Variants in CCP110 observed in about 807,000 individuals in gnomAD.
The protein encoded by CCP110 is centriolar coiled-coil protein 110, also known as centriolar coiled-coil protein of 110 kDa.
In CCP110, 43 loss-of-function variants were observed where a neutral mutation model predicts 105.5. The ratio of observed to expected loss-of-function variants is 0.41; its 90% confidence interval spans 0.32 to 0.53. The LOEUF is 0.53. Among genes scored for constraint, CCP110 ranks in the 20% least tolerant of loss-of-function variants. The pLI is 0.32. For synonymous variants in CCP110, 353 were observed against 392.1 expected (o/e 0.90, Z 1.18); for missense variants, 1,016 against 1,189.1 (o/e 0.85, Z 2.14).
intron 6 of CCP110, among the ~76,000 whole-genome samples, 166 bp from the exon 7 acceptor site, chr16:19,542,455 C>A (rs192799777): frequency 2.0e-5 from 3 of 152,144 alleles, no homozygotes; most frequent in African/African-American, 7.2e-5. Context: ...TTGAAAAGAT[C>A]CACCTGGTAT....
chr16:19,531,696 G>T (rs946616160), intron 2 of CCP110, among the ~76,000 whole-genome samples: 1 of 152,190 alleles, frequency 6.6e-6, no homozygotes, highest in African/African-American at 2.4e-5. Flanking sequence ...GGCCAGGCGC[G>T]GTGGCTCGCG....
At chr16:19,547,860 T>G (rs1970513377) in intron 12 of CCP110, 95 bp from the exon 13 acceptor site, 1 of 868,560 alleles carries the variant, frequency 1.2e-6, no homozygotes, top group African/African-American at 1.7e-5. Flanking sequence ...TAGTTGACCT[T>G]TACCTTACAG....
chr16:19,547,984 C>T lies in CCP110; in HGVS notation c.2870C>T (p.Ala957Val), dbSNP rs746556110. The T allele has an allele frequency of 3.2e-5, 51 of 1,612,066 alleles. No homozygotes were observed. The highest frequency in any genetic ancestry group is 4.0e-5 in the Non-Finnish European group (47 of 1,178,264). ...CTTCAGCCAAACCAAGGACAGAATG[C>T]ACCTGTTCATAGGCTACTTAGTAGA... The change falls in exon 13 of 15, where the codon GCA (alanine) becomes GTA (valine). Residue 957 changes from alanine to valine, a missense_variant. Ala to Val is a moderately conservative substitution (Grantham distance 64). Transcript: ENST00000381396.
In CCP110 at chr16:19,524,541, C is replaced by G. The variant is rs1354662428; in HGVS notation, c.-16+453C>G. On this transcript the variant is annotated intron_variant, in intron 1 of 14. Transcript: ENST00000381396. ...AGCCCCTGTTTCCACAACCAAGGCC[C>G]TAGGAGCGCTGCTTACTTCGCCTTT... Among the ~76,000 whole-genome samples the G allele has an allele frequency of 2.6e-5, 4 of 152,264 alleles. No individual in the cohort carries two copies. The East Asian group carries it at 7.7e-4, about 29-fold the overall frequency.
rs1322331591 is a variant in CCP110 at position 19,545,220 on chromosome 16, A to T, written c.2703+10A>T. 7.0e-7 allele frequency: 1 copy of T among 1,436,408 alleles called. No individual in the cohort carries two copies. The highest frequency in any genetic ancestry group is 1.7e-5 in the Admixed American group (1 of 58,166). 89.0% of individuals were successfully genotyped at this position (1,436,408 alleles called of 1,614,324 possible). On this transcript the variant is annotated intron_variant, in intron 10 of 14. Transcript: ENST00000381396. ...AATGCTCAGGCAAATGGTATGTTAT[A>T]TGATTTCTAATGAATAGAGTTCTTC...
At chr16:19,540,515 T>G (rs528801152) in intron 4 of CCP110, 142 bp from the exon 5 acceptor site, 2 of 676,888 alleles carry the variant, frequency 3.0e-6, no homozygotes, top group East Asian at 5.6e-5. Context: ...TGGTTCGAAG[T>G]AGAGACCCAG....
intron 2 of CCP110, among the ~76,000 whole-genome samples, chr16:19,531,119 C>T (rs1342811337): frequency 6.6e-6 from 1 of 152,190 alleles, no homozygotes; most frequent in Non-Finnish European, 1.5e-5. Context: ...TATAATCATT[C>T]TTTGGTACCA....
chr16:19,534,047 A>C (rs1969967641), intron 3 of CCP110, among the ~76,000 whole-genome samples: 1 of 152,172 alleles, frequency 6.6e-6, no homozygotes, highest in Admixed American at 6.5e-5. Context: ...GAGAATTGTT[A>C]ATGAGAGTCA....
At chr16:19,542,040 C>T in exon 6 of CCP110, 1 of 1,580,958 alleles carries the variant, frequency 6.3e-7, no homozygotes, top group South Asian at 1.2e-5. Flanking sequence ...GGACTCACTC[C>T]ATACTTCAAA....
chr16:19,527,998 T>C, exon 2 of CCP110: 1 of 1,613,106 alleles, frequency 6.2e-7, no homozygotes, highest in South Asian at 1.1e-5. Context: ...TTCGCTTTCA[T>C]GGAGTGGCTA....
chr16:19,545,031 A>T, intron 9 of CCP110, 63 bp from the exon 10 acceptor site: 1 of 1,042,192 alleles, frequency 9.6e-7, no homozygotes, highest in Non-Finnish European at 1.5e-6. Context: ...CATGGTATAT[A>T]GTATTCCTGA....
exon 4 of CCP110, chr16:19,536,047 C>G (rs776778626): frequency 2.7e-5 from 44 of 1,613,800 alleles, no homozygotes; most frequent in Non-Finnish European, 3.3e-5. Context: ...TTCCAAATAG[C>G]TTTCCAAGCC....
At chr16:19,543,454 T>C (rs1350629046) in intron 8 of CCP110, among the ~76,000 whole-genome samples, 2 of 152,166 alleles carry the variant, frequency 1.3e-5, no homozygotes, top group Non-Finnish European at 1.5e-5. Context: ...TACAAATTGA[T>C]TGCAAAACAT....
At chr16:19,547,656 G>A (rs925266892) in intron 12 of CCP110, 4 of 231,500 alleles carry the variant, frequency 1.7e-5, no homozygotes, top group Middle Eastern at 3.0e-3. Context: ...GGTTTGAAGG[G>A]AAAAGTTAGC....
exon 4 of CCP110, chr16:19,536,770 A>C: frequency 6.2e-7 from 1 of 1,614,226 alleles, no homozygotes; most frequent in South Asian, 1.1e-5. Flanking sequence ...TACCTAGTCC[A>C]GAGCCAAGTA....
chr16:19,539,757 C>T (rs191093343), intron 4 of CCP110, among the ~76,000 whole-genome samples: 51 of 152,106 alleles, frequency 3.4e-4, no homozygotes, highest in Non-Finnish European at 5.6e-4. Context: ...AAGAGGCTGC[C>T]TCAGTGAATA....
At chr16:19,550,096 A>ACAAC (rs1233353799) in intron 14 of CCP110, among the ~76,000 whole-genome samples, 21 of 152,316 alleles carry the variant, frequency 1.4e-4, no homozygotes, top group Non-Finnish European at 2.9e-4. Context: ...TTGTTTTCTA[A>ACAAC]AGATTTACTT....
At position 19,546,403 on chromosome 16, in the gene CCP110, T is replaced by C. The variant is rs370183270; in HGVS notation, c.2778-9T>C. On this transcript the variant is annotated splice_polypyrimidine_tract_variant and intron_variant, in intron 11 of 14. Coordinates refer to ENST00000381396, the Ensembl canonical transcript of CCP110. ...AATACATTATGTCCTTATTTTTATA[T>C]TGTGTTAGAGCTGCTGAAATGGGAA... 3 of 1,488,770 alleles carry C rather than the reference T, an allele frequency of 2.0e-6. No homozygotes were observed. Among genetic ancestry groups the C allele is most frequent in the South Asian group, 2.3e-5 (2 of 85,872 alleles). The allele number at this position is 1,488,770 out of a possible 1,614,324, so 92.2% of individuals were successfully genotyped here.
At chr16:19,537,913 A>G (rs8055159) in intron 4 of CCP110, among the ~76,000 whole-genome samples, 2,678 of 152,068 alleles carry the variant, frequency 0.018, 91 homozygotes, top group African/African-American at 0.062. Context: ...TCATGCCACC[A>G]TGCCCGGCTA....
Sources: gnomAD v4.1 joint callset for allele counts (sites outside exome capture counted in the v4.1 genomes callset) on GRCh38, gnomAD v4.1.1 for gene constraint, MANE v1.5 for transcripts, NCBI Gene and HGNC (gene_info 2026-07-23, HGNC 2026-07-21) for gene names.